The following GDPD1 variants were observed in gnomAD, a reference collection of about 807,000 sequenced individuals.
GDPD1 encodes the protein lysophospholipase D GDPD1.
In GDPD1, 28 loss-of-function variants were observed where a neutral mutation model predicts 45.1. That is an observed-to-expected ratio of 0.62 (90% CI 0.46 to 0.85). The LOEUF (loss-of-function observed/expected upper bound fraction) is 0.85, where lower values mean the gene tolerates loss of function less well. Ranked by LOEUF, GDPD1 falls within the 40% of genes least tolerant of loss-of-function variation. The pLI is 0.00. For synonymous variants in GDPD1, 139 were observed against 131.4 expected (o/e 1.06, Z -0.40); for missense variants, 256 against 364.8 (o/e 0.70, Z 2.43).
At chr17:59,254,544 T>C (rs932999355) in intron 4 of GDPD1, among the ~76,000 whole-genome samples, 5 of 151,850 alleles carry the variant, frequency 3.3e-5, no homozygotes, top group African/African-American at 7.3e-5. Flanking sequence ...TATATATACA[T>C]ATATATATAA....
At chr17:59,265,566 GA>G (rs2047392744) in intron 6 of GDPD1, among the ~76,000 whole-genome samples, 1 of 150,586 alleles carries the variant, frequency 6.6e-6, no homozygotes, top group Non-Finnish European at 1.5e-5. Context: ...GTACACATAG[GA>G]GGGCAAGGAG....
At chr17:59,251,531 GAAC>G (rs2047253732) in intron 4 of GDPD1, among the ~76,000 whole-genome samples, 1 of 150,208 alleles carries the variant, frequency 6.7e-6, no homozygotes, top group South Asian at 2.1e-4. Flanking sequence ...AAAAAAAAAA[GAAC>G]AATGCTGTGG....
chr17:59,262,634 T>G lies in GDPD1; in HGVS notation c.577-4407T>G, dbSNP rs78254808. On this transcript the variant is annotated intron_variant, in intron 6 of 9. Coordinates refer to ENST00000284116, the MANE Select transcript of GDPD1 (RefSeq NM_182569.4). Reference sequence around the variant, plus strand: ...CGGCTTTGTATCTTGGTTTTGTTTTTTTTTGTTTTTTTTTTTTGAGACTCA... The same window carrying G: ...CGGCTTTGTATCTTGGTTTTGTTTTGTTTTGTTTTTTTTTTTTGAGACTCA... 1.6e-4 allele frequency among the ~76,000 whole-genome samples: 16 copies of G among 102,968 alleles called. No individual in the cohort carries two copies. In the East Asian group the frequency reaches 3.3e-3, roughly 21 times the overall value. 67.6% of individuals were successfully genotyped at this position (102,968 alleles called of 152,430 possible).
Position 59,222,505 on chromosome 17 carries a change from C to CTTTTTTTTTTTTT in GDPD1, c.142+1768_142+1780dup, listed in dbSNP as rs149536097. On this transcript the variant is annotated intron_variant, in intron 1 of 9. Coordinates refer to ENST00000284116, the MANE Select transcript of GDPD1 (RefSeq NM_182569.4). The stretch of plus-strand genomic sequence containing the variant: ...ACAGGCGTGAGCCACAGTGCCCAGC[C>CTTTTTTTTTTTTT]TTTTTTTTTTTTTTTTTTTTTTTTT... 1.5e-3 allele frequency among the ~76,000 whole-genome samples: 61 copies of CTTTTTTTTTTTTT among 41,738 alleles called. 14 individuals are homozygous for CTTTTTTTTTTTTT. Among genetic ancestry groups the CTTTTTTTTTTTTT allele is most frequent in the African/African-American group, 2.4e-3 (27 of 11,124 alleles). The allele number at this position is 41,738 out of a possible 152,430, so 27.4% of individuals were successfully genotyped here. A position where few individuals can be genotyped will look rare whatever the true frequency, so the allele number is the denominator to read the frequency against.
chr17:59,261,669 G>T (rs561571253), intron 6 of GDPD1, among the ~76,000 whole-genome samples: 29 of 151,114 alleles, frequency 1.9e-4, no homozygotes, highest in African/African-American at 4.4e-4. Flanking sequence ...CAAATTTTTT[G>T]ATTTTTTTTT....
chr17:59,275,156 T>G lies in GDPD1; in HGVS notation c.*1383T>G. 6.5e-7 allele frequency: 1 copy of G among 1,537,250 alleles called. No homozygotes were observed. The highest frequency in any genetic ancestry group is 8.7e-7 in the Non-Finnish European group (1 of 1,146,810). ...TGCACCCGGCCAGTAAAAGAAATTT[T>G]GAAGGCCATTGCAGCTATTTGGTAG... On this transcript the variant is annotated 3_prime_UTR_variant, in exon 10 of 10. Transcript: ENST00000284116.
Position 59,257,116 on chromosome 17 carries a change from T to C in GDPD1, c.368-6T>C. ...AAAAATACATTTAAAAATCTTGCTT[T>C]CTCAGCATGCCAGTGTGAAGGAAAA... On this transcript the variant is annotated splice_region_variant and splice_polypyrimidine_tract_variant and intron_variant, in intron 4 of 9. Transcript: ENST00000284116. The C allele has an allele frequency of 6.7e-7, 1 of 1,487,922 alleles. No homozygotes were observed. Among genetic ancestry groups the C allele is most frequent in the Non-Finnish European group, 9.2e-7 (1 of 1,087,076 alleles). 92.2% of individuals were successfully genotyped at this position (1,487,922 alleles called of 1,614,324 possible).
chr17:59,242,537 T>C (rs1473112425), intron 2 of GDPD1, among the ~76,000 whole-genome samples: 1 of 152,228 alleles, frequency 6.6e-6, no homozygotes, highest in Non-Finnish European at 1.5e-5. Flanking sequence ...GATTTGGCCT[T>C]ATATCTTTCT....
chr17:59,272,562 A>G (rs942219684), intron 8 of GDPD1, among the ~76,000 whole-genome samples: 16 of 152,232 alleles, frequency 1.1e-4, no homozygotes, highest in Non-Finnish European at 2.9e-5. Context: ...AGCAGCAAGA[A>G]GTAGAAAGGA....
intron 1 of GDPD1, among the ~76,000 whole-genome samples, chr17:59,233,685 C>T (rs1010854346): frequency 2.6e-5 from 4 of 151,920 alleles, no homozygotes; most frequent in Non-Finnish European, 5.9e-5. Context: ...AGTGGTATTT[C>T]GTATTTTTTA....
At chr17:59,241,687 G>T (rs1050108745) in intron 2 of GDPD1, among the ~76,000 whole-genome samples, 1 of 151,820 alleles carries the variant, frequency 6.6e-6, no homozygotes, top group African/African-American at 2.4e-5. Flanking sequence ...CCAGCACTTT[G>T]GGAGGCCGAG....
At chr17:59,263,038 T>A (rs1288933123) in intron 6 of GDPD1, among the ~76,000 whole-genome samples, 1 of 152,038 alleles carries the variant, frequency 6.6e-6, no homozygotes. Flanking sequence ...ATGATGAAAA[T>A]TGAATAAATT....
intron 2 of GDPD1, among the ~76,000 whole-genome samples, chr17:59,240,119 T>C (rs1290370432): frequency 6.6e-6 from 1 of 151,988 alleles, no homozygotes; most frequent in Admixed American, 6.6e-5. Context: ...GGTGAAACCC[T>C]GTCTCTACTA....
chr17:59,232,224 G>A (rs1042575889), intron 1 of GDPD1, among the ~76,000 whole-genome samples: 6 of 152,204 alleles, frequency 3.9e-5, no homozygotes, highest in Non-Finnish European at 8.8e-5. Flanking sequence ...AGGCCAAGGC[G>A]GGCGGATCAC....
chr17:59,255,814 C>T (rs1371685260), intron 4 of GDPD1, among the ~76,000 whole-genome samples: 112 of 54,246 alleles, frequency 2.1e-3, no homozygotes, highest in Middle Eastern at 0.019. Context: ...TATATATACG[C>T]GTATATATAT....
At chr17:59,239,222 A>C (rs1396619039) in intron 2 of GDPD1, among the ~76,000 whole-genome samples, 1 of 152,230 alleles carries the variant, frequency 6.6e-6, no homozygotes, top group Non-Finnish European at 1.5e-5. Flanking sequence ...ATAGTGATAC[A>C]ACCTCAGTGT....
chr17:59,250,079 A>C (rs1161735541), intron 4 of GDPD1, among the ~76,000 whole-genome samples: 1 of 152,158 alleles, frequency 6.6e-6, no homozygotes, highest in Non-Finnish European at 1.5e-5. Flanking sequence ...AAAAATCAGA[A>C]AAAATTTAAC....
chr17:59,246,274 T>G (rs1040148309), intron 3 of GDPD1, among the ~76,000 whole-genome samples: 1 of 152,128 alleles, frequency 6.6e-6, no homozygotes, highest in Non-Finnish European at 1.5e-5. Context: ...TTTTTAGATT[T>G]GTATTCTCAC....
intron 6 of GDPD1, among the ~76,000 whole-genome samples, chr17:59,265,969 T>C (rs184746727): frequency 1.2e-4 from 17 of 145,526 alleles, no homozygotes; most frequent in African/African-American, 4.3e-4. Flanking sequence ...TTCTGGACTT[T>C]GGTTGCACAA....
Sources: allele counts gnomAD v4.1 joint callset (sites outside exome capture counted in the v4.1 genomes callset), GRCh38; gene constraint gnomAD v4.1.1; transcripts MANE v1.5; gene names NCBI Gene and HGNC (gene_info 2026-07-23, HGNC 2026-07-21).